Variants in C6 observed in about 807,000 individuals in gnomAD.
C6 encodes complement C6, also known as complement component C6.
A neutral mutation model predicts 112.9 loss-of-function variants in C6; 101 were observed. The observed-to-expected ratio is 0.89, with a 90% CI of 0.76 to 1.06. The LOEUF is 1.06. Among genes scored for constraint, C6 ranks in the 50% least tolerant of loss-of-function variants. The pLI is 0.00. For missense variants in C6, 1,202 were observed against 1,104.6 expected (o/e 1.09, Z -1.25); for synonymous variants, 431 against 384.1 (o/e 1.12, Z -1.43).
intron 1 of C6, among the ~76,000 whole-genome samples, chr5:41,205,264 A>T (rs1161381971): frequency 2.6e-5 from 4 of 152,216 alleles, no homozygotes; most frequent in African/African-American, 4.8e-5. Flanking sequence ...ATTATTCAAG[A>T]TGGCTGAATA....
intron 1 of C6, among the ~76,000 whole-genome samples, chr5:41,232,632 A>G (rs1739977710): frequency 6.6e-6 from 1 of 152,036 alleles, no homozygotes; most frequent in Non-Finnish European, 1.5e-5. Context: ...GTGTTTTCTT[A>G]GGCATTTGGA....
chr5:41,164,243 G>A (rs1478701945), intron 9 of C6, among the ~76,000 whole-genome samples: 1 of 152,172 alleles, frequency 6.6e-6, no homozygotes, highest in South Asian at 2.1e-4. Flanking sequence ...TTAGGAAAAT[G>A]AAATAATTCT....
chr5:41,234,015 G>T (rs916470733), intron 1 of C6, among the ~76,000 whole-genome samples: 1 of 151,956 alleles, frequency 6.6e-6, no homozygotes, highest in South Asian at 2.1e-4. Context: ...AACCTTCAAA[G>T]TATTGCTATA....
At chr5:41,256,808 G>A (rs1741742712) in intron 1 of C6, among the ~76,000 whole-genome samples, 1 of 152,110 alleles carries the variant, frequency 6.6e-6, no homozygotes. Flanking sequence ...CCAGCTCCTT[G>A]ATAAAAGGGA....
At chr5:41,179,017 C>T (rs1409768804) in intron 7 of C6, among the ~76,000 whole-genome samples, 1 of 152,042 alleles carries the variant, frequency 6.6e-6, no homozygotes, top group East Asian at 1.9e-4. Flanking sequence ...CCACGCCCGG[C>T]TAATTTTTTG....
intron 7 of C6, among the ~76,000 whole-genome samples, chr5:41,178,649 T>C (rs974642955): frequency 1.3e-5 from 2 of 151,198 alleles, no homozygotes; most frequent in Non-Finnish European, 3.0e-5. Flanking sequence ...CAAATTTTTG[T>C]ATTTTTAGTA....
chr5:41,219,774 G>C (rs1342625597), intron 1 of C6, among the ~76,000 whole-genome samples: 1 of 152,116 alleles, frequency 6.6e-6, no homozygotes, highest in African/African-American at 2.4e-5. Context: ...GATAGAACAG[G>C]CCACTCTTTG....
At chr5:41,168,032 A>C (rs1288868911) in intron 9 of C6, among the ~76,000 whole-genome samples, 2 of 152,312 alleles carry the variant, frequency 1.3e-5, no homozygotes, top group Middle Eastern at 3.4e-3. Flanking sequence ...AAGAGCCAAC[A>C]CTGTAGAAAT....
intron 15 of C6, among the ~76,000 whole-genome samples, chr5:41,153,532 G>A (rs930894586): frequency 6.6e-6 from 1 of 152,098 alleles, no homozygotes; most frequent in East Asian, 1.9e-4. Flanking sequence ...CCATGAGATC[G>A]CTTTACTGAT....
At chr5:41,229,597 T>C (rs958719364) in intron 1 of C6, among the ~76,000 whole-genome samples, 1 of 151,976 alleles carries the variant, frequency 6.6e-6, no homozygotes, top group African/African-American at 2.4e-5. Flanking sequence ...TGGCCTAACA[T>C]GTGATCTATT....
At chr5:41,189,256 C>G (rs1225306751) in intron 5 of C6, among the ~76,000 whole-genome samples, 12 of 151,990 alleles carry the variant, frequency 7.9e-5, no homozygotes, top group African/African-American at 2.9e-4. Context: ...CCATAAGACC[C>G]TGCAATTCCA....
chr5:41,203,985 C>T (rs1751229888), intron 1 of C6, among the ~76,000 whole-genome samples: 1 of 152,166 alleles, frequency 6.6e-6, no homozygotes, highest in African/African-American at 2.4e-5. Context: ...CAGGCCACAA[C>T]AGGTTGAGCG....
intron 17 of C6, among the ~76,000 whole-genome samples, chr5:41,145,684 T>C (rs560193809): frequency 5.9e-5 from 9 of 152,350 alleles, no homozygotes; most frequent in African/African-American, 2.2e-4. Flanking sequence ...TGGAAAAGCA[T>C]GCATTTCCGT....
In C6 at chr5:41,185,818, C is replaced by A. The variant is rs149021893; in HGVS notation, c.726+252G>T. On this transcript the variant is annotated intron_variant, in intron 6 of 17. Coordinates refer to ENST00000337836, the MANE Select transcript of C6 (RefSeq NM_000065.5). ...ATGGACTCGAATCAGGAAAACCTGG[C>A]CCTGAATCTTGAATTCACTTCTTGC... Among the ~76,000 whole-genome samples, 719 of 152,282 alleles carry A rather than the reference C, an allele frequency of 4.7e-3. 6 individuals carry two copies. Among genetic ancestry groups the A allele is most frequent in the African/African-American group, 0.015 (629 of 41,558 alleles).
chr5:41,156,880 A>G (rs900630072), intron 13 of C6, among the ~76,000 whole-genome samples: 3 of 152,200 alleles, frequency 2.0e-5, no homozygotes, highest in Non-Finnish European at 2.9e-5. Flanking sequence ...ATATAAGTGT[A>G]TGTTGCAATA....
intron 1 of C6, among the ~76,000 whole-genome samples, chr5:41,240,316 T>C (rs555519261): frequency 1.3e-5 from 2 of 152,022 alleles, no homozygotes; most frequent in Non-Finnish European, 2.9e-5. Flanking sequence ...CCCTGAGCAG[T>C]GTACACAGCC....
intron 9 of C6, among the ~76,000 whole-genome samples, chr5:41,166,790 T>A (rs919505687): frequency 6.6e-6 from 1 of 152,148 alleles, no homozygotes; most frequent in Non-Finnish European, 1.5e-5. Flanking sequence ...TTGGACTGTC[T>A]GCTAAAAATT....
At chr5:41,192,055 C>G (rs1750259246) in intron 5 of C6, among the ~76,000 whole-genome samples, 1 of 151,950 alleles carries the variant, frequency 6.6e-6, no homozygotes, top group South Asian at 2.1e-4. Flanking sequence ...CCATATACAG[C>G]CTTTATTGTG....
intron 16 of C6, 57 bp downstream of exon 16, chr5:41,149,878 G>T: frequency 1.8e-6 from 2 of 1,120,116 alleles, no homozygotes; most frequent in Non-Finnish European, 2.7e-6. Flanking sequence ...CCATCAAATT[G>T]GTTACACTAG....
Sources: allele counts gnomAD v4.1 joint callset (sites outside exome capture counted in the v4.1 genomes callset), GRCh38; gene constraint gnomAD v4.1.1; transcripts MANE v1.5; gene names NCBI Gene and HGNC (gene_info 2026-07-23, HGNC 2026-07-21).